The following NLGN4X variants were observed in gnomAD, a reference collection of about 807,000 sequenced individuals.
NLGN4X encodes neuroligin 4 X-linked.
In NLGN4X, 3 loss-of-function variants were observed where a neutral mutation model predicts 40.3. The ratio of observed to expected loss-of-function variants is 0.07; its 90% CI spans 0.03 to 0.19. NLGN4X has a LOEUF of 0.19. Among genes scored for constraint, NLGN4X ranks in the 10% least tolerant of loss-of-function variants. NLGN4X has a pLI of 1.00. For synonymous variants in NLGN4X, 270 were observed against 306.8 expected (o/e 0.88, Z 1.25); for missense variants, 382 against 708.3 (o/e 0.54, Z 5.23).
intron 2 of NLGN4X, among the ~76,000 whole-genome samples, chrX:6,119,309 T>C (rs2039369817): frequency 8.9e-6 from 1 of 111,997 alleles, no homozygotes; most frequent in Non-Finnish European, 1.9e-5. Flanking sequence ...TAGTCTTTAG[T>C]TGGATAATTA....
Position 5,989,400 on chromosome X carries a change from T to G in NLGN4X, c.625+39880A>C, listed in dbSNP as rs920927475. 4.4e-5 allele frequency among the ~76,000 whole-genome samples: 5 copies of G among 112,424 alleles called. No individual in the cohort carries two copies. In the East Asian group the frequency reaches 1.4e-3, roughly 32 times the overall value. On this transcript the variant is annotated intron_variant, in intron 3 of 5. Transcript: ENST00000381095. ...ACTAATTTGAATATAATAAAGCTCA[T>G]TTTGGGTATATGATTTCTGATATCC...
At chrX:6,032,635 G>T in intron 2 of NLGN4X, 3 of 772,319 alleles carry the variant, frequency 3.9e-6, no homozygotes, top group South Asian at 2.8e-5. Flanking sequence ...AAAAAAGAGA[G>T]ATAGATAGAT....
At chrX:5,920,691 T>C (rs1226913742) in intron 3 of NLGN4X, among the ~76,000 whole-genome samples, 1 of 111,497 alleles carries the variant, frequency 9.0e-6, no homozygotes, top group East Asian at 2.8e-4. Flanking sequence ...AGAGTGTCAG[T>C]TGTAACCAAG....
At chrX:5,997,613 CACATAT>C (rs2035862343) in intron 3 of NLGN4X, among the ~76,000 whole-genome samples, 5 of 11,273 alleles carry the variant, frequency 4.4e-4, no homozygotes, top group South Asian at 4.0e-3. Flanking sequence ...TATATATATA[CACATAT>C]ATATATATAT....
At chrX:6,093,624 T>C (rs945083098) in intron 2 of NLGN4X, among the ~76,000 whole-genome samples, 5 of 111,377 alleles carry the variant, frequency 4.5e-5, no homozygotes, top group Admixed American at 9.6e-5. Context: ...AACTGTCACA[T>C]TGAAAAAAAG....
At chrX:6,045,941 A>G (rs1425537335) in intron 2 of NLGN4X, among the ~76,000 whole-genome samples, 1 of 111,892 alleles carries the variant, frequency 8.9e-6, no homozygotes, top group East Asian at 2.8e-4. Context: ...CTATCCAACA[A>G]GAGAAAGAGA....
At chrX:6,066,190 G>A (rs1235106384) in intron 2 of NLGN4X, among the ~76,000 whole-genome samples, 1 of 111,849 alleles carries the variant, frequency 8.9e-6, no homozygotes, top group Non-Finnish European at 1.9e-5. Context: ...CTCTTCCTTG[G>A]TGATGACAGC....
intron 2 of NLGN4X, among the ~76,000 whole-genome samples, chrX:6,076,488 T>C (rs530011936): frequency 4.5e-5 from 5 of 112,001 alleles, no homozygotes; most frequent in African/African-American, 1.6e-4. Context: ...TTGTTCTCAT[T>C]GTTTGTTTCA....
chrX:5,980,050 CAT>C (rs1036297195), intron 3 of NLGN4X, among the ~76,000 whole-genome samples: 3 of 105,629 alleles, frequency 2.8e-5, no homozygotes, highest in African/African-American at 1.0e-4. Flanking sequence ...CTCAGTATAT[CAT>C]ATATATACAT....
chrX:6,069,258 A>AG (rs2037999607), intron 2 of NLGN4X, among the ~76,000 whole-genome samples: 1 of 102,871 alleles, frequency 9.7e-6, no homozygotes, highest in Non-Finnish European at 2.0e-5. Context: ...ACTGCACTCT[A>AG]GCCAGGGTGA....
Position 6,082,949 on chromosome X carries a change from TTTTTTTC to T in NLGN4X, c.473-53524_473-53518del, listed in dbSNP as rs1237210501. ...AAAAAAGAGATTTTGCCATGATGCG[TTTTTTTC>T]TTTTTTTTTTTTTTTTTTTTTGAGA... On this transcript the variant is annotated intron_variant, in intron 2 of 5. Coordinates refer to ENST00000381095, the MANE Select transcript of NLGN4X (RefSeq NM_181332.3). 6.4e-3 allele frequency among the ~76,000 whole-genome samples: 415 copies of T among 64,819 alleles called. 9 individuals carry two copies. The highest frequency in any genetic ancestry group is 0.021 in the African/African-American group (395 of 18,766). 56.3% of individuals were successfully genotyped at this position (64,819 alleles called of 115,157 possible).
At chrX:6,126,068 T>A in intron 2 of NLGN4X, among the ~76,000 whole-genome samples, 1 of 111,271 alleles carries the variant, frequency 9.0e-6, no homozygotes, top group Non-Finnish European at 1.9e-5. Context: ...TCAGAGCACA[T>A]TAATTATAAG....
intron 1 of NLGN4X, among the ~76,000 whole-genome samples, chrX:6,193,987 G>A (rs1037207045): frequency 1.2e-4 from 13 of 112,132 alleles, no homozygotes; most frequent in African/African-American, 3.9e-4. Context: ...CAGAAGGTCA[G>A]AACAACACTG....
chrX:6,222,137 G>A (rs1323475313), intron 1 of NLGN4X, among the ~76,000 whole-genome samples: 3 of 111,188 alleles, frequency 2.7e-5, no homozygotes, highest in African/African-American at 9.8e-5. Flanking sequence ...CCTGAAAAAG[G>A]TGCCCTTAGC....
intron 3 of NLGN4X, among the ~76,000 whole-genome samples, chrX:5,928,528 CAG>C (rs1198081465): frequency 1.8e-5 from 2 of 112,138 alleles, no homozygotes; most frequent in Non-Finnish European, 3.8e-5. Flanking sequence ...CATTTTATAA[CAG>C]TGTACAAATA....
At chrX:6,144,499 A>AC (rs771250811) in intron 2 of NLGN4X, among the ~76,000 whole-genome samples, 5 of 111,584 alleles carry the variant, frequency 4.5e-5, no homozygotes, top group Non-Finnish European at 7.5e-5. Context: ...AGTTTCTTCC[A>AC]TGGGGCTAGA....
intron 2 of NLGN4X, among the ~76,000 whole-genome samples, chrX:6,070,889 A>G (rs746749958): frequency 2.7e-5 from 3 of 111,894 alleles, no homozygotes; most frequent in African/African-American, 9.7e-5. Context: ...CACTATCATT[A>G]GAACAGAATA....
rs753645893 is a variant in NLGN4X, at chrX:6,012,909, C to T, written c.625+16371G>A. Among the ~76,000 whole-genome samples, 8 of 111,791 alleles carry T rather than the reference C, an allele frequency of 7.2e-5. No homozygotes were observed. In the South Asian group the frequency reaches 2.7e-3, roughly 37 times the overall value. On this transcript the variant is annotated intron_variant, in intron 3 of 5. Transcript: ENST00000381095. ...AAGAGTAAATTTCTCTCTTTTAAAG[C>T]CATCACATTTGTGGTCATTTGTTAT...
At chrX:5,901,770 G>A (rs1390132769) in intron 5 of NLGN4X, among the ~76,000 whole-genome samples, 2 of 105,521 alleles carry the variant, frequency 1.9e-5, no homozygotes, top group East Asian at 2.9e-4. Context: ...AAATACAAAC[G>A]TATTTGTGTA....
Sources: gnomAD v4.1 joint callset for allele counts (sites outside exome capture counted in the v4.1 genomes callset) on GRCh38, gnomAD v4.1.1 for gene constraint, MANE v1.5 for transcripts, NCBI Gene and HGNC (gene_info 2026-07-23, HGNC 2026-07-21) for gene names.